CSMD3: variants seen among roughly 807,000 people sequenced by gnomAD.
CSMD3 encodes CUB and Sushi multiple domains 3.
A neutral mutation model predicts 435.2 loss-of-function variants in CSMD3; 177 were observed. The ratio of observed to expected loss-of-function variants is 0.41; its 90% CI spans 0.36 to 0.46. The LOEUF (loss-of-function observed/expected upper bound fraction) is 0.46. Ranked by LOEUF, CSMD3 falls within the 20% of genes least tolerant of loss-of-function variation. The pLI is 0.34. For synonymous variants in CSMD3, 1,656 were observed against 1,520.5 expected (o/e 1.09, Z -2.07); for missense variants, 4,265 against 4,504.6 (o/e 0.95, Z 1.52).
At chr8:113,033,956 TC>T (rs2087233240) in intron 5 of CSMD3, among the ~76,000 whole-genome samples, 1 of 151,370 alleles carries the variant, frequency 6.6e-6, no homozygotes, top group African/African-American at 2.4e-5. Flanking sequence ...AGTGGCAATT[TC>T]CCCTGTATAC....
intron 3 of CSMD3, among the ~76,000 whole-genome samples, chr8:113,274,064 CAAAAT>C (rs1332469590): frequency 2.0e-5 from 3 of 151,692 alleles, no homozygotes; most frequent in East Asian, 1.9e-4. Flanking sequence ...TGTAATTTGA[CAAAAT>C]AAAAGTATAC....
At chr8:112,685,345 C>T (rs1217771017) in intron 15 of CSMD3, 61 bp downstream of exon 15, 3 of 1,417,374 alleles carry the variant, frequency 2.1e-6, no homozygotes, top group Non-Finnish European at 9.8e-7. Context: ...TACATGATCA[C>T]TTTTCAACTC....
intron 13 of CSMD3, among the ~76,000 whole-genome samples, chr8:112,695,031 T>C (rs1018853591): frequency 1.3e-5 from 2 of 151,956 alleles, no homozygotes; most frequent in African/African-American, 4.8e-5. Context: ...GGTCAGGGAT[T>C]TTCCTTTCCT....
intron 13 of CSMD3, among the ~76,000 whole-genome samples, chr8:112,756,113 G>A (rs1587192009): frequency 6.6e-6 from 1 of 152,154 alleles, no homozygotes; most frequent in South Asian, 2.1e-4. Context: ...GTCTGAGTGG[G>A]CTATTAGGTA....
chr8:112,768,125 G>T (rs1229989922), intron 13 of CSMD3, among the ~76,000 whole-genome samples: 1 of 151,376 alleles, frequency 6.6e-6, no homozygotes, highest in Non-Finnish European at 1.5e-5. Flanking sequence ...TCAAAACTCA[G>T]ATGATTTACA....
At chr8:112,354,800 T>C (rs1053271771) in intron 38 of CSMD3, among the ~76,000 whole-genome samples, 3 of 152,164 alleles carry the variant, frequency 2.0e-5, no homozygotes, top group Admixed American at 2.0e-4. Flanking sequence ...TTCAATGCTA[T>C]TTCCATCAAA....
rs371010797 is a variant in CSMD3 at position 112,234,453 on chromosome 8, C to T, written c.10652G>A (p.Arg3551His). 64 of 1,612,486 alleles carry T rather than the reference C, an allele frequency of 4.0e-5. No individual in the cohort carries two copies. The highest frequency in any genetic ancestry group is 3.6e-4 in the South Asian group (33 of 91,036). The change falls in exon 68 of 71, where the codon CGC (arginine) becomes CAC (histidine). Residue 3551 changes from arginine to histidine, a missense_variant. Around this residue, in one of 3 missense-constraint regions of CSMD3, gnomAD observed 3,255 missense variants for 3,380.2 expected, o/e 0.96. Coordinates refer to ENST00000297405, the MANE Select transcript of CSMD3 (RefSeq NM_198123.2). ...AATAAGATATATGCGTAACATTAGG[C>T]GAGCTTCCTGGCTTTTATATACCCC... ...LSGVYKSQEARLMLRIYLIKV... is the reference protein window; with the variant it reads ...LSGVYKSQEAHLMLRIYLIKV...
chr8:113,421,485 C>A (rs2094608410), intron 1 of CSMD3, among the ~76,000 whole-genome samples: 1 of 152,174 alleles, frequency 6.6e-6, no homozygotes, highest in Non-Finnish European at 1.5e-5. Context: ...AAAAATCCAA[C>A]TAATAAGAAT....
intron 13 of CSMD3, among the ~76,000 whole-genome samples, chr8:112,697,777 C>T (rs892196735): frequency 3.9e-4 from 59 of 151,728 alleles, no homozygotes; most frequent in African/African-American, 1.2e-3. Flanking sequence ...TAAAATGTAG[C>T]CCCTGTCCTT....
chr8:112,532,717 A>T (rs1032924398), intron 27 of CSMD3, among the ~76,000 whole-genome samples: 9 of 152,148 alleles, frequency 5.9e-5, no homozygotes, highest in Admixed American at 3.9e-4. Context: ...CATCTGAAAA[A>T]AAAAGGATGT....
chr8:112,659,800 G>A (rs2075338321), intron 17 of CSMD3, among the ~76,000 whole-genome samples: 2 of 151,988 alleles, frequency 1.3e-5, no homozygotes, highest in African/African-American at 2.4e-5. Flanking sequence ...ATTTTGTTTT[G>A]TATTTTACAA....
At chr8:112,233,975 A>G (rs561407115) in intron 68 of CSMD3, among the ~76,000 whole-genome samples, 45 of 152,292 alleles carry the variant, frequency 3.0e-4, no homozygotes, top group Non-Finnish European at 5.4e-4. Flanking sequence ...CTTAAGTAGT[A>G]GTGGTTCCAA....
intron 5 of CSMD3, among the ~76,000 whole-genome samples, chr8:113,042,602 T>C (rs2087670001): frequency 2.6e-5 from 4 of 152,216 alleles, no homozygotes. Context: ...TACATAATTC[T>C]TCTGGATTCC....
At chr8:112,528,850 C>T (rs1476303472) in intron 27 of CSMD3, among the ~76,000 whole-genome samples, 3 of 152,042 alleles carry the variant, frequency 2.0e-5, no homozygotes, top group South Asian at 2.1e-4. Flanking sequence ...CCTTGGTTTG[C>T]ACATGTAGCA....
chr8:112,371,058 A>T (rs1182211192), intron 38 of CSMD3, among the ~76,000 whole-genome samples: 1 of 152,198 alleles, frequency 6.6e-6, no homozygotes, highest in Non-Finnish European at 1.5e-5. Context: ...GAAGATGCTC[A>T]GAAAACATGC....
intron 31 of CSMD3, among the ~76,000 whole-genome samples, chr8:112,481,520 G>A (rs1819621142): frequency 6.6e-6 from 1 of 152,116 alleles, no homozygotes; most frequent in African/African-American, 2.4e-5. Context: ...AAAGAGCAAT[G>A]TGATATATTA....
rs181297885 is a variant in CSMD3, at chr8:112,510,673, T to C, written c.4757-3844A>G. ...CAGGTGTCAGTATTCATTACTAATA[T>C]GTAATATTAACCCTCTGGTATCCAT... is the stretch of plus-strand genomic sequence containing the variant. On this transcript the variant is annotated intron_variant, in intron 28 of 70. Transcript: ENST00000297405. Among the ~76,000 whole-genome samples the C allele has an allele frequency of 3.5e-3, 540 of 152,304 alleles. 1 individual carries two copies. The highest frequency in any genetic ancestry group is 0.012 in the African/African-American group (519 of 41,566).
intron 36 of CSMD3, among the ~76,000 whole-genome samples, chr8:112,386,363 A>G (rs998320579): frequency 4.6e-5 from 7 of 152,190 alleles, no homozygotes; most frequent in Non-Finnish European, 1.0e-4. Flanking sequence ...GTAGTTTGGC[A>G]TAATAAAAAT....
At chr8:113,075,392 A>T (rs1285725234) in intron 5 of CSMD3, among the ~76,000 whole-genome samples, 3 of 151,850 alleles carry the variant, frequency 2.0e-5, no homozygotes, top group Non-Finnish European at 4.4e-5. Context: ...CTCTCCTCTT[A>T]TAATTTATAA....
Sources: gnomAD v4.1 joint callset for allele counts (sites outside exome capture counted in the v4.1 genomes callset) on GRCh38, gnomAD v4.1.1 for gene constraint, gnomAD v4.1.1 regional missense constraint, MANE v1.5 for transcripts, NCBI Gene and HGNC (gene_info 2026-07-23, HGNC 2026-07-21) for gene names.